Variants in FAM227B observed in about 807,000 individuals in gnomAD.
FAM227B encodes the protein family with sequence similarity 227 member B.
In FAM227B, 88 loss-of-function variants were observed where a neutral mutation model predicts 73.8. That is an observed-to-expected ratio of 1.19 (90% CI 1.00 to 1.42). The LOEUF (loss-of-function observed/expected upper bound fraction) is 1.42, where lower values mean the gene tolerates loss of function less well. Among genes scored for constraint, FAM227B ranks in the 40% most tolerant of loss-of-function variants. FAM227B has a pLI of 0.00. For synonymous variants in FAM227B, 210 were observed against 190.5 expected (o/e 1.10, Z -0.84); for missense variants, 632 against 590.9 (o/e 1.07, Z -0.72).
chr15:49,539,736 G>C (rs937733514), intron 10 of FAM227B, among the ~76,000 whole-genome samples: 1 of 152,218 alleles, frequency 6.6e-6, no homozygotes, highest in Non-Finnish European at 1.5e-5. Context: ...TGTTGCTCTA[G>C]AGTCCACAAT....
intron 3 of FAM227B, among the ~76,000 whole-genome samples, chr15:49,608,172 G>A (rs957699193): frequency 2.0e-5 from 3 of 152,250 alleles, no homozygotes; most frequent in African/African-American, 7.2e-5. Flanking sequence ...AGAAGTTTTT[G>A]TTCCCTAAGG....
chr15:49,570,450 C>G (rs1401857403), intron 8 of FAM227B, among the ~76,000 whole-genome samples: 1 of 151,812 alleles, frequency 6.6e-6, no homozygotes, highest in Non-Finnish European at 1.5e-5. Flanking sequence ...ATTTGTATGT[C>G]TTCCTTTGAG....
At chr15:49,475,849 G>A (rs770216822) in intron 11 of FAM227B, among the ~76,000 whole-genome samples, 15 of 152,234 alleles carry the variant, frequency 9.9e-5, no homozygotes, top group Admixed American at 6.5e-4. Context: ...TTAGGCGGTC[G>A]TGGTGGCGCA....
intron 3 of FAM227B, among the ~76,000 whole-genome samples, chr15:49,596,676 T>A (rs560495545): frequency 3.3e-5 from 5 of 152,110 alleles, no homozygotes; most frequent in African/African-American, 1.2e-4. Context: ...AGATACAGAA[T>A]GGCAGAATGG....
intron 9 of FAM227B, among the ~76,000 whole-genome samples, chr15:49,551,900 A>C (rs1312023066): frequency 6.6e-6 from 1 of 152,190 alleles, no homozygotes; most frequent in Non-Finnish European, 1.5e-5. Context: ...CCCACTTTTT[A>C]ACTCTTTGTT....
Position 49,589,864 on chromosome 15 carries a change from G to C in FAM227B, c.249C>G (p.Ile83Met), listed in dbSNP as rs756487717. The C allele has an allele frequency of 3.2e-5, 51 of 1,605,936 alleles. No individual in the cohort carries two copies. Among genetic ancestry groups the C allele is most frequent in the Non-Finnish European group, 4.3e-5 (50 of 1,172,798 alleles). The change falls in exon 4 of 16, where the codon ATC (isoleucine) becomes ATG (methionine). Residue 83 changes from isoleucine to methionine, a missense_variant. Physicochemically the swap from Ile to Met is conservative, Grantham distance 10 (BLOSUM62 1). Coordinates refer to ENST00000299338, the MANE Select transcript of FAM227B (RefSeq NM_152647.3). The part of the protein sequence containing the change: ...NVPRIFEALL[I>M]MESKLKEYSL... Reference sequence around the variant, plus strand: ...AATATTCCTTTAATTTTGATTCCATGATCAAAAGTGCTTCAAATATTCGAG... The same window carrying C: ...AATATTCCTTTAATTTTGATTCCATCATCAAAAGTGCTTCAAATATTCGAG...
At chr15:49,395,458 C>T (rs968378849) in intron 11 of FAM227B, among the ~76,000 whole-genome samples, 3 of 152,168 alleles carry the variant, frequency 2.0e-5, no homozygotes, top group African/African-American at 7.2e-5. Flanking sequence ...TGTGAGCTGT[C>T]ACTCTCAGTT....
chr15:49,358,037 AC>A (rs925266150), intron 13 of FAM227B, among the ~76,000 whole-genome samples: 6 of 152,074 alleles, frequency 3.9e-5, no homozygotes, highest in African/African-American at 1.4e-4. Context: ...AAATTCAACA[AC>A]CCTTCATGCT....
At chr15:49,412,656 G>A (rs1316980559) in intron 11 of FAM227B, among the ~76,000 whole-genome samples, 1 of 151,916 alleles carries the variant, frequency 6.6e-6, no homozygotes, top group East Asian at 1.9e-4. Flanking sequence ...TTTGACTTCC[G>A]ATATCATGTA....
At chr15:49,422,419 T>C (rs2049762849) in intron 11 of FAM227B, 7 of 606,456 alleles carry the variant, frequency 1.2e-5, no homozygotes, top group African/African-American at 1.9e-5. Context: ...TAAATTAACA[T>C]TTATTGTTCC....
At chr15:49,531,860 T>A (rs1031524587) in intron 10 of FAM227B, among the ~76,000 whole-genome samples, 1 of 151,946 alleles carries the variant, frequency 6.6e-6, no homozygotes, top group Admixed American at 6.6e-5. Flanking sequence ...ATATAATTTG[T>A]GGCCATTATT....
intron 10 of FAM227B, among the ~76,000 whole-genome samples, chr15:49,520,054 A>C (rs1217283489): frequency 6.6e-6 from 1 of 152,126 alleles, no homozygotes; most frequent in African/African-American, 2.4e-5. Context: ...TAGATACTCT[A>C]AATCATCTCT....
At chr15:49,379,707 A>G (rs1016065793) in intron 11 of FAM227B, among the ~76,000 whole-genome samples, 1 of 152,166 alleles carries the variant, frequency 6.6e-6, no homozygotes, top group Non-Finnish European at 1.5e-5. Flanking sequence ...TACAAGGTAG[A>G]GACTCTTTTC....
chr15:49,407,063 C>G (rs1374331767), intron 11 of FAM227B, among the ~76,000 whole-genome samples: 1 of 152,196 alleles, frequency 6.6e-6, no homozygotes, highest in African/African-American at 2.4e-5. Context: ...TCAGGTCCGA[C>G]AGTTCTCCTG....
At chr15:49,548,792 A>C (rs1015312708) in intron 9 of FAM227B, among the ~76,000 whole-genome samples, 1 of 152,146 alleles carries the variant, frequency 6.6e-6, no homozygotes, top group Non-Finnish European at 1.5e-5. Context: ...TAGATTTTCT[A>C]ATTTATTGGC....
chr15:49,501,993 TTCC>T (rs2058175515), intron 11 of FAM227B, among the ~76,000 whole-genome samples: 1 of 152,222 alleles, frequency 6.6e-6, no homozygotes, highest in South Asian at 2.1e-4. Context: ...ACTTGGCAGC[TTCC>T]TCATGGTGTT....
chr15:49,549,236 T>A (rs2072424506), intron 9 of FAM227B, among the ~76,000 whole-genome samples: 1 of 152,146 alleles, frequency 6.6e-6, no homozygotes, highest in South Asian at 2.1e-4. Flanking sequence ...TTTTTCAAAT[T>A]CTTTCTTAAT....
At chr15:49,393,437 C>G (rs138289179) in intron 11 of FAM227B, among the ~76,000 whole-genome samples, 72 of 152,198 alleles carry the variant, frequency 4.7e-4, no homozygotes, top group Non-Finnish European at 9.7e-4. Flanking sequence ...GACTTCTGCA[C>G]TGAACAAAAA....
intron 13 of FAM227B, chr15:49,365,050 C>CA: frequency 3.7e-6 from 2 of 536,542 alleles, no homozygotes; most frequent in Non-Finnish European, 6.8e-6. Context: ...ATTGTCAATT[C>CA]AAAAATCAAT....
Sources: allele counts gnomAD v4.1 joint callset (sites outside exome capture counted in the v4.1 genomes callset), GRCh38; gene constraint gnomAD v4.1.1; transcripts MANE v1.5; gene names NCBI Gene and HGNC (gene_info 2026-07-23, HGNC 2026-07-21).